Variants in ZNF804B observed in about 807,000 individuals in gnomAD.
ZNF804B encodes the protein zinc finger 804B.
A neutral mutation model predicts 101.4 loss-of-function variants in ZNF804B; 80 were observed. That is an observed-to-expected ratio of 0.79 (90% CI 0.66 to 0.95). The LOEUF is 0.95. Among genes scored for constraint, ZNF804B ranks in the 40% least tolerant of loss-of-function variants. ZNF804B has a pLI of 0.00. For synonymous variants in ZNF804B, 622 were observed against 558.8 expected, an observed-to-expected ratio of 1.11 and a Z score of -1.59; for missense variants, 1,673 against 1,561.9, an observed-to-expected ratio of 1.07 and a Z score of -1.20.
intron 1 of ZNF804B, among the ~76,000 whole-genome samples, chr7:88,800,561 A>G (rs909945974): frequency 1.3e-5 from 2 of 152,140 alleles, no homozygotes; most frequent in African/African-American, 4.8e-5. Context: ...TATGTTTAGT[A>G]CAGGGCTGGA....
intron 2 of ZNF804B, among the ~76,000 whole-genome samples, chr7:89,295,711 T>G (rs529063438): frequency 6.6e-6 from 1 of 152,266 alleles, no homozygotes; most frequent in Admixed American, 6.5e-5. Context: ...TATATTTGAC[T>G]TATTTAGATT....
intron 1 of ZNF804B, among the ~76,000 whole-genome samples, chr7:88,985,239 TG>T: frequency 7.1e-6 from 1 of 140,616 alleles, no homozygotes; most frequent in African/African-American, 3.1e-5. Context: ...TAAACATTTG[TG>T]TTTGTTTAAC....
At chr7:89,188,523 C>T (rs1788407989) in intron 1 of ZNF804B, among the ~76,000 whole-genome samples, 1 of 152,092 alleles carries the variant, frequency 6.6e-6, no homozygotes, top group African/African-American at 2.4e-5. Context: ...AATTATTAAG[C>T]TTAGTCAGGA....
At chr7:88,888,381 G>C (rs1403583298) in intron 1 of ZNF804B, among the ~76,000 whole-genome samples, 1 of 152,050 alleles carries the variant, frequency 6.6e-6, no homozygotes, top group Admixed American at 6.6e-5. Flanking sequence ...GACAGAGGGA[G>C]AGTCTGCCTC....
intron 1 of ZNF804B, among the ~76,000 whole-genome samples, chr7:89,089,540 A>G (rs534986149): frequency 6.6e-6 from 1 of 152,172 alleles, no homozygotes; most frequent in East Asian, 1.9e-4. Flanking sequence ...GCTTCATAAG[A>G]GGTAGAGAAA....
At chr7:88,895,399 A>G (rs1037645349) in intron 1 of ZNF804B, among the ~76,000 whole-genome samples, 9 of 152,190 alleles carry the variant, frequency 5.9e-5, no homozygotes, top group Admixed American at 2.6e-4. Flanking sequence ...ATATGACTTC[A>G]TGTTTAGCTT....
chr7:89,150,758 A>G (rs546975575), intron 1 of ZNF804B, among the ~76,000 whole-genome samples: 1 of 152,246 alleles, frequency 6.6e-6, no homozygotes, highest in East Asian at 1.9e-4. Flanking sequence ...GTCCAAATGA[A>G]GAGTGAGAGA....
intron 2 of ZNF804B, among the ~76,000 whole-genome samples, chr7:89,266,415 A>G (rs764322004): frequency 2.6e-5 from 4 of 152,156 alleles, no homozygotes; most frequent in Admixed American, 6.5e-5. Flanking sequence ...AAGTAGCAGC[A>G]TTGACTATAA....
chr7:88,844,063 A>G (rs1316965321), intron 1 of ZNF804B, among the ~76,000 whole-genome samples: 6 of 152,194 alleles, frequency 3.9e-5, no homozygotes, highest in Admixed American at 3.9e-4. Flanking sequence ...TGTAGAGTTA[A>G]CAAATGTTAA....
intron 1 of ZNF804B, among the ~76,000 whole-genome samples, chr7:88,817,332 T>C (rs1167033822): frequency 6.6e-6 from 1 of 152,080 alleles, no homozygotes; most frequent in Non-Finnish European, 1.5e-5. Flanking sequence ...TATACATATG[T>C]AACAAACCTG....
chr7:89,057,638 G>A (rs1176699794), intron 1 of ZNF804B, among the ~76,000 whole-genome samples: 4 of 152,086 alleles, frequency 2.6e-5, no homozygotes, highest in Non-Finnish European at 5.9e-5. Context: ...CATTCAGTGG[G>A]GGTGTGAGGG....
At chr7:89,213,932 A>G (rs1788844469) in intron 1 of ZNF804B, among the ~76,000 whole-genome samples, 1 of 152,238 alleles carries the variant, frequency 6.6e-6, no homozygotes. Flanking sequence ...TTAATGTGTA[A>G]TAATTACAAT....
chr7:88,872,613 TC>T (rs1018259935), intron 1 of ZNF804B, among the ~76,000 whole-genome samples: 24 of 147,176 alleles, frequency 1.6e-4, no homozygotes, highest in African/African-American at 4.7e-4. Context: ...ATGCCATCCC[TC>T]CCCCCTGCCC....
rs909545135 is a variant in ZNF804B at position 88,777,213 on chromosome 7, A to T, written c.108+17129A>T. ...ACAACCACTGGCTGCTGCCATAATG[A>T]TGCTGGTATTGCAGAGAGGCAACCA... On this transcript the variant is annotated intron_variant, in intron 1 of 3. Transcript: ENST00000333190. 3.9e-5 allele frequency among the ~76,000 whole-genome samples: 6 copies of T among 152,186 alleles called. No individual in the cohort carries two copies. The East Asian group carries it at 5.8e-4, about 15-fold the overall frequency.
chr7:89,016,117 T>A (rs1361543485), intron 1 of ZNF804B, among the ~76,000 whole-genome samples: 2 of 152,120 alleles, frequency 1.3e-5, no homozygotes, highest in Non-Finnish European at 2.9e-5. Context: ...ATGTGTTTTT[T>A]GGCTGCATAA....
chr7:88,863,380 T>G (rs1256233901), intron 1 of ZNF804B, among the ~76,000 whole-genome samples: 3 of 152,322 alleles, frequency 2.0e-5, no homozygotes, highest in East Asian at 3.9e-4. Flanking sequence ...TCAATCTGTT[T>G]TTGCCATTTT....
chr7:89,172,958 G>A (rs1309502543), intron 1 of ZNF804B, among the ~76,000 whole-genome samples: 1 of 152,126 alleles, frequency 6.6e-6, no homozygotes, highest in Non-Finnish European at 1.5e-5. Flanking sequence ...CAGAAGGTAA[G>A]GAGTATAGTA....
chr7:89,042,356 G>C (rs1246662984), intron 1 of ZNF804B, among the ~76,000 whole-genome samples: 1 of 152,102 alleles, frequency 6.6e-6, no homozygotes, highest in Non-Finnish European at 1.5e-5. Context: ...ACCAGTTTGA[G>C]GTGTTTCATG....
intron 1 of ZNF804B, among the ~76,000 whole-genome samples, chr7:89,080,775 T>A (rs546629673): frequency 1.3e-5 from 2 of 151,962 alleles, no homozygotes; most frequent in African/African-American, 4.8e-5. Flanking sequence ...CTTATTCTTA[T>A]AAATTTTAAG....
Sources: allele counts gnomAD v4.1 joint callset (sites outside exome capture counted in the v4.1 genomes callset), GRCh38; gene constraint gnomAD v4.1.1; transcripts MANE v1.5; gene names NCBI Gene and HGNC (gene_info 2026-07-23, HGNC 2026-07-21).